Variants in UGP2 observed in about 807,000 individuals in gnomAD.
The protein encoded by UGP2 is UDP-glucose pyrophosphorylase 2, also known as UTP--glucose-1-phosphate uridylyltransferase.
UGP2 carries 40 observed loss-of-function variants against 49.0 expected under a neutral mutation model. The ratio of observed to expected loss-of-function variants is 0.82; its 90% CI spans 0.63 to 1.06. The LOEUF (loss-of-function observed/expected upper bound fraction) is 1.06, where lower values mean the gene tolerates loss of function less well. UGP2 is among the 50% of genes least tolerant of loss of function. The pLI is 0.00. For synonymous variants in UGP2, 225 were observed against 213.0 expected (o/e 1.06, Z -0.49); for missense variants, 460 against 603.5 (o/e 0.76, Z 2.49).
At chr2:63,868,476 C>T (rs914069065) in intron 3 of UGP2, among the ~76,000 whole-genome samples, 1 of 152,262 alleles carries the variant, frequency 6.6e-6, no homozygotes, top group Admixed American at 6.5e-5. Flanking sequence ...AGCATATCAG[C>T]TCCTGTTACT....
intron 3 of UGP2, among the ~76,000 whole-genome samples, chr2:63,873,400 T>C (rs189940624): frequency 4.6e-5 from 7 of 152,332 alleles, no homozygotes; most frequent in Admixed American, 3.9e-4. Flanking sequence ...GGGAAATGAA[T>C]GACTTCTGTT....
chr2:63,881,086 C>G (rs1671275759), intron 3 of UGP2, among the ~76,000 whole-genome samples: 2 of 152,188 alleles, frequency 1.3e-5, no homozygotes, highest in Admixed American at 6.5e-5. Context: ...GCTTCATGTT[C>G]TTCTGTATTT....
chr2:63,863,008 C>T (rs1055025145), intron 3 of UGP2: 3 of 358,276 alleles, frequency 8.4e-6, no homozygotes, highest in Non-Finnish European at 1.6e-5. Flanking sequence ...TCTAATCATA[C>T]TAAAGTGGAG....
At chr2:63,842,851 TA>T (rs1671664472) in intron 1 of UGP2, among the ~76,000 whole-genome samples, 1 of 152,212 alleles carries the variant, frequency 6.6e-6, no homozygotes. Context: ...CATGTGTATT[TA>T]AAAAGGGTTA....
chr2:63,846,438 G>T lies in UGP2; in HGVS notation c.19+4234G>T, dbSNP rs903549381. Among the ~76,000 whole-genome samples the T allele has an allele frequency of 1.2e-4, 6 of 48,684 alleles. 1 individual carries two copies. The highest frequency in any genetic ancestry group is 4.8e-4 in the African/African-American group (6 of 12,556). 31.9% of individuals were successfully genotyped at this position (48,684 alleles called of 152,430 possible). A position where few individuals can be genotyped will look rare whatever the true frequency, so the allele number is the denominator to read the frequency against. ...CTAATGCTCTAATATTAGAGGCATT[G>T]TTTTTTTAAAAAAAATGATTCTAAA... On this transcript the variant is annotated intron_variant, in intron 1 of 9. Coordinates refer to ENST00000337130, the MANE Select transcript of UGP2 (RefSeq NM_006759.4).
intron 3 of UGP2, among the ~76,000 whole-genome samples, chr2:63,876,189 G>C (rs183876193): frequency 2.2e-4 from 33 of 152,184 alleles, no homozygotes; most frequent in African/African-American, 7.9e-4. Context: ...TTAGGTGCCT[G>C]GTAGAGGGTG....
At chr2:63,851,019 T>C (rs1433142035) in intron 1 of UGP2, among the ~76,000 whole-genome samples, 2 of 152,196 alleles carry the variant, frequency 1.3e-5, no homozygotes, top group Non-Finnish European at 2.9e-5. Flanking sequence ...TTGGATAAGA[T>C]AAACATTGAA....
At chr2:63,856,684 A>G (rs1669458713) in intron 2 of UGP2, 1 of 511,390 alleles carries the variant, frequency 2.0e-6, no homozygotes, top group Non-Finnish European at 3.7e-6. Flanking sequence ...GAACCAAATT[A>G]TACTTTGTTC....
intron 1 of UGP2, among the ~76,000 whole-genome samples, chr2:63,847,415 A>G (rs1406955720): frequency 6.6e-6 from 1 of 152,228 alleles, no homozygotes; most frequent in Non-Finnish European, 1.5e-5. Context: ...AATAAAAGAA[A>G]TATACTGTAG....
chr2:63,862,191 C>T (rs938109889), intron 3 of UGP2, among the ~76,000 whole-genome samples: 3 of 151,992 alleles, frequency 2.0e-5, no homozygotes, highest in Middle Eastern at 3.4e-3. Context: ...TGTGGAGATA[C>T]ACACACAAAT....
chr2:63,841,917 A>T lies in UGP2; in HGVS notation c.-269A>T, dbSNP rs143268830. Reference sequence around the variant, plus strand: ...TTCCGGGAGTCTCCAGCTGGCCCTCATTTGTGTCCGGAGCTCAGGAGTTCC... The same window carrying T: ...TTCCGGGAGTCTCCAGCTGGCCCTCTTTTGTGTCCGGAGCTCAGGAGTTCC... On this transcript the variant is annotated 5_prime_UTR_variant, in exon 1 of 10. Transcript: ENST00000337130. 1.2e-5 allele frequency: 5 copies of T among 411,558 alleles called. No homozygotes were observed. Among genetic ancestry groups the T allele is most frequent in the Non-Finnish European group, 2.2e-5 (5 of 231,468 alleles). 25.5% of individuals were successfully genotyped at this position (411,558 alleles called of 1,614,324 possible).
At chr2:63,842,631 T>C (rs1174997485) in intron 1 of UGP2, 2 of 1,429,120 alleles carry the variant, frequency 1.4e-6, no homozygotes, top group Admixed American at 5.6e-5. Context: ...GGGGAAGCTT[T>C]AGTGTTCTCC....
chr2:63,857,783 A>C (rs1428280912), intron 2 of UGP2, 46 bp from the exon 3 acceptor site: 5 of 1,517,454 alleles, frequency 3.3e-6, no homozygotes, highest in Non-Finnish European at 4.5e-6. Flanking sequence ...TTTTTATTAA[A>C]TATTAAGCAT....
chr2:63,885,990 T>C, intron 6 of UGP2, 104 bp downstream of exon 6: 1 of 1,245,070 alleles, frequency 8.0e-7, no homozygotes, highest in Non-Finnish European at 1.1e-6. Flanking sequence ...AAACAACACA[T>C]TTAATATGTT....
chr2:63,842,053 C>T lies in UGP2; in HGVS notation c.-133C>T. The T allele has an allele frequency of 1.8e-6, 2 of 1,111,190 alleles. No individual in the cohort carries two copies. The highest frequency in any genetic ancestry group is 2.5e-6 in the Non-Finnish European group (2 of 788,848). The allele number at this position is 1,111,190 out of a possible 1,614,324, so 68.8% of individuals were successfully genotyped here. On this transcript the variant is annotated 5_prime_UTR_variant, in exon 1 of 10. Transcript: ENST00000337130. ...TTTAATCGCTTTGAATAAATACTCCCTTAAGTAGTTAAATATAGGAGGAGA... is the reference window on the plus strand; with the variant it reads ...TTTAATCGCTTTGAATAAATACTCCTTTAAGTAGTTAAATATAGGAGGAGA...
chr2:63,867,991 T>A (rs796653602), intron 3 of UGP2, among the ~76,000 whole-genome samples: 2 of 152,238 alleles, frequency 1.3e-5, no homozygotes, highest in South Asian at 4.1e-4. Flanking sequence ...GTGACTATTT[T>A]GTTTAATGAG....
chr2:63,855,520 G>GTTTTTTTTTTTTTTTTTTCTTTT, intron 1 of UGP2: 1 of 187,728 alleles, frequency 5.3e-6, no homozygotes, highest in Non-Finnish European at 1.0e-5. Flanking sequence ...TTCTTTTTCT[G>GTTTTTTTTTTTTTTTTTTCTTTT]TTTTTTTTTT....
intron 8 of UGP2, chr2:63,889,400 C>CG (rs1671920818): frequency 6.6e-6 from 1 of 150,580 alleles, no homozygotes; most frequent in Non-Finnish European, 1.5e-5. Flanking sequence ...CTTGATAGGC[C>CG]ATAAGAAGGG....
Position 63,885,584 on chromosome 2 carries a change from TA to T in UGP2, c.576-2del. 1.1e-5 allele frequency: 17 copies of T among 1,513,582 alleles called. No individual in the cohort carries two copies. The highest frequency in any genetic ancestry group is 5.4e-5 in the South Asian group (4 of 74,148). The allele number at this position is 1,513,582 out of a possible 1,614,324, so 93.8% of individuals were successfully genotyped here. A position where few individuals can be genotyped will look rare whatever the true frequency, so the allele number is the denominator to read the frequency against. On this transcript the variant is annotated splice_region_variant and splice_polypyrimidine_tract_variant and intron_variant, in intron 5 of 9. Transcript: ENST00000337130. ...TATTGAAAAAGAACTTTTTTTTTTT[TA>T]AAGGTACCCGAGGATTAATAAAGAA...
Sources: allele counts gnomAD v4.1 joint callset (sites outside exome capture counted in the v4.1 genomes callset), GRCh38; gene constraint gnomAD v4.1.1; transcripts MANE v1.5; gene names NCBI Gene and HGNC (gene_info 2026-07-23, HGNC 2026-07-21).